The following VPS13A variants were observed in gnomAD, a reference collection of about 807,000 sequenced individuals.
VPS13A encodes intermembrane lipid transfer protein VPS13A.
VPS13A carries 264 observed loss-of-function variants against 390.9 expected under a neutral mutation model. The observed-to-expected ratio is 0.68, with a 90% CI of 0.61 to 0.75. The LOEUF (loss-of-function observed/expected upper bound fraction) is 0.75, where lower values mean the gene tolerates loss of function less well. Ranked by LOEUF, VPS13A falls within the 30% of genes least tolerant of loss-of-function variation. VPS13A has a pLI of 0.00. For missense variants in VPS13A, 3,409 were observed against 3,733.9 expected (o/e 0.91, Z 2.27); for synonymous variants, 1,231 against 1,227.1 (o/e 1.00, Z -0.07).
chr9:77,274,124 G>A (rs1181219600), intron 24 of VPS13A, among the ~76,000 whole-genome samples: 1 of 152,096 alleles, frequency 6.6e-6, no homozygotes, highest in East Asian at 1.9e-4. Context: ...TTGGTATAAA[G>A]TTGAACAGAA....
intron 23 of VPS13A, among the ~76,000 whole-genome samples, chr9:77,261,585 A>AAAAAT (rs1587443758): frequency 1.3e-5 from 2 of 151,886 alleles, no homozygotes; most frequent in East Asian, 3.9e-4. Context: ...CCAAAAAAAA[A>AAAAAT]AAAATTTTTT....
chr9:77,343,800 A>G (rs1314039810), intron 50 of VPS13A, among the ~76,000 whole-genome samples: 1 of 152,104 alleles, frequency 6.6e-6, no homozygotes, highest in Non-Finnish European at 1.5e-5. Context: ...CTGAATGTAC[A>G]CTTGTTTTAA....
intron 10 of VPS13A, among the ~76,000 whole-genome samples, chr9:77,219,737 A>C (rs940384996): frequency 2.0e-5 from 3 of 151,358 alleles, no homozygotes; most frequent in African/African-American, 7.3e-5. Context: ...ATTTGCCTTT[A>C]TTGTATTTAT....
intron 68 of VPS13A, among the ~76,000 whole-genome samples, chr9:77,383,785 G>A (rs1278011714): frequency 1.3e-5 from 2 of 151,862 alleles, no homozygotes; most frequent in Non-Finnish European, 2.9e-5. Flanking sequence ...CACTAAAAGA[G>A]CTATTTAAAT....
At chr9:77,406,431 C>A (rs1273812819) in intron 70 of VPS13A, among the ~76,000 whole-genome samples, 1 of 151,376 alleles carries the variant, frequency 6.6e-6, no homozygotes. Flanking sequence ...TTCTTTTTTT[C>A]TTTTTTGAGA....
At chr9:77,200,029 T>G in intron 2 of VPS13A, 41 bp downstream of exon 2, 2 of 1,429,728 alleles carry the variant, frequency 1.4e-6, no homozygotes, top group Non-Finnish European at 2.0e-6. Context: ...TTATTGCATT[T>G]AATTATGTAT....
intron 13 of VPS13A, among the ~76,000 whole-genome samples, chr9:77,222,155 A>C (rs1218678262): frequency 6.6e-6 from 1 of 152,044 alleles, no homozygotes; most frequent in Non-Finnish European, 1.5e-5. Flanking sequence ...ATTGACTTTT[A>C]CTTTTATTTT....
intron 71 of VPS13A, among the ~76,000 whole-genome samples, chr9:77,415,293 C>G (rs1835127908): frequency 6.6e-6 from 1 of 152,282 alleles, no homozygotes; most frequent in African/African-American, 2.4e-5. Context: ...GAGAAGGCTA[C>G]TGGATTCAGT....
intron 58 of VPS13A, 67 bp from the exon 59 acceptor site, chr9:77,360,469 A>C: frequency 8.4e-7 from 1 of 1,194,404 alleles, no homozygotes; most frequent in South Asian, 1.2e-5. Context: ...CTTTTTTCTC[A>C]TCTAATTTTT....
At chr9:77,224,117 A>G (rs949037894) in intron 13 of VPS13A, among the ~76,000 whole-genome samples, 3 of 152,180 alleles carry the variant, frequency 2.0e-5, no homozygotes, top group Middle Eastern at 3.2e-3. Context: ...GCTCAGACCT[A>G]CTGCTCAGTA....
intron 19 of VPS13A, among the ~76,000 whole-genome samples, chr9:77,244,726 C>T (rs1824705662): frequency 6.6e-6 from 1 of 152,042 alleles, no homozygotes; most frequent in South Asian, 2.1e-4. Context: ...CTCAGATCTA[C>T]TTTCACAGAG....
At chr9:77,349,888 C>T (rs1191507354) in intron 52 of VPS13A, among the ~76,000 whole-genome samples, 2 of 152,118 alleles carry the variant, frequency 1.3e-5, no homozygotes, top group Non-Finnish European at 2.9e-5. Context: ...AGGTGATCCA[C>T]CTGCCTCGAC....
chr9:77,213,584 A>G (rs371185129), intron 9 of VPS13A, among the ~76,000 whole-genome samples: 1 of 151,720 alleles, frequency 6.6e-6, no homozygotes, highest in South Asian at 2.1e-4. Context: ...GCAGCTTCTA[A>G]CTCTTGGGCT....
chr9:77,207,452 T>C (rs1825747433), intron 5 of VPS13A, among the ~76,000 whole-genome samples: 1 of 150,774 alleles, frequency 6.6e-6, no homozygotes, highest in Non-Finnish European at 1.5e-5. Context: ...CCCTATTTTT[T>C]CATCTTCTCT....
chr9:77,357,015 T>G, intron 55 of VPS13A, 148 bp downstream of exon 55: 1 of 935,298 alleles, frequency 1.1e-6, no homozygotes, highest in Non-Finnish European at 1.6e-6. Context: ...TTTAAAGAGG[T>G]GTTTATCTAT....
chr9:77,413,994 C>A (rs907489307), intron 71 of VPS13A, among the ~76,000 whole-genome samples: 42 of 152,306 alleles, frequency 2.8e-4, no homozygotes, highest in Non-Finnish European at 4.9e-4. Context: ...AAAAAATGCT[C>A]ACATCACTGG....
chr9:77,300,049 A>G (rs528568733), intron 33 of VPS13A, among the ~76,000 whole-genome samples: 1 of 152,316 alleles, frequency 6.6e-6, no homozygotes, highest in East Asian at 1.9e-4. Context: ...CAATGTAACA[A>G]ACCTGCACAT....
chr9:77,266,484 T>A (rs574898317), intron 23 of VPS13A, among the ~76,000 whole-genome samples: 1 of 152,286 alleles, frequency 6.6e-6, no homozygotes, highest in South Asian at 2.1e-4. Context: ...TGTTGAATAT[T>A]GGCGCCCACT....
intron 68 of VPS13A, among the ~76,000 whole-genome samples, chr9:77,400,709 T>C (rs943253071): frequency 6.6e-6 from 1 of 151,238 alleles, no homozygotes; most frequent in East Asian, 1.9e-4. Context: ...GTGCCTGTAG[T>C]CCCAGCTACT....
Sources: allele counts gnomAD v4.1 joint callset (sites outside exome capture counted in the v4.1 genomes callset), GRCh38; gene constraint gnomAD v4.1.1; transcripts MANE v1.5; gene names NCBI Gene and HGNC (gene_info 2026-07-23, HGNC 2026-07-21).